The following HERC1 variants were observed in gnomAD, a reference collection of about 807,000 sequenced individuals.
HERC1 encodes probable E3 ubiquitin-protein ligase HERC1.
A neutral mutation model predicts 554.3 loss-of-function variants in HERC1; 160 were observed. The ratio of observed to expected loss-of-function variants is 0.29; its 90% confidence interval spans 0.25 to 0.33. HERC1 has a LOEUF of 0.33. Ranked by LOEUF, HERC1 falls within the 10% of genes least tolerant of loss-of-function variation. The pLI is 1.00. For synonymous variants in HERC1, 2,175 were observed against 2,131.7 expected, an observed-to-expected ratio of 1.02 and a Z score of -0.56; for missense variants, 4,919 against 5,918.5, an observed-to-expected ratio of 0.83 and a Z score of 5.54.
At chr15:63,774,555 C>T (rs1167416358) in intron 2 of HERC1, 139 bp downstream of exon 2, 27 of 680,196 alleles carry the variant, frequency 4.0e-5, no homozygotes, top group Non-Finnish European at 2.5e-5. Context: ...TTCTTCACTC[C>T]AAGTATATGA....
At chr15:63,689,081 C>G (rs2071952420) in intron 33 of HERC1, among the ~76,000 whole-genome samples, 1 of 151,696 alleles carries the variant, frequency 6.6e-6, no homozygotes, top group African/African-American at 2.4e-5. Context: ...AAAGTGGCAC[C>G]AAAAAAGAGT....
chr15:63,697,162 C>T (rs1206157935), intron 26 of HERC1, among the ~76,000 whole-genome samples: 1 of 152,006 alleles, frequency 6.6e-6, no homozygotes, highest in Non-Finnish European at 1.5e-5. Context: ...TTTAGTTTTC[C>T]ATAATGTTCA....
intron 12 of HERC1, among the ~76,000 whole-genome samples, chr15:63,741,910 G>C (rs757562043): frequency 2.6e-5 from 4 of 152,056 alleles, no homozygotes; most frequent in Non-Finnish European, 2.9e-5. Context: ...TTTTGAAGTT[G>C]GAAAGTGTGA....
At position 63,645,464 on chromosome 15, in the gene HERC1, A is replaced by T; in HGVS notation, c.11078+19T>A. ...CCAATATAAAAACTAAGACGTATAGATGCAAATTGACAACATACGTAGCCA... is the reference window on the plus strand; with the variant it reads ...CCAATATAAAAACTAAGACGTATAGTTGCAAATTGACAACATACGTAGCCA... On this transcript the variant is annotated intron_variant, in intron 56 of 77. Transcript: ENST00000443617. 6.3e-7 allele frequency: 1 copy of T among 1,584,718 alleles called. No homozygotes were observed. Among genetic ancestry groups the T allele is most frequent in the Non-Finnish European group, 8.6e-7 (1 of 1,163,014 alleles).
rs1411968698 is a variant in HERC1, at chr15:63,754,773, A to G, written c.1631-125T>C. 3.2e-6 allele frequency: 3 copies of G among 939,708 alleles called. No homozygotes were observed. The African/African-American group carries it at 4.9e-5, about 15-fold the overall frequency. 58.2% of individuals were successfully genotyped at this position (939,708 alleles called of 1,614,324 possible). ...ATTGAGATTTTTTTAATGCAATGCA[A>G]TATGAAAAACACAATCATTTCTAAC... On this transcript the variant is annotated intron_variant, in intron 6 of 77. Coordinates refer to ENST00000443617, the MANE Select transcript of HERC1 (RefSeq NM_003922.4).
In HERC1 at chr15:63,700,240, T is replaced by C. The variant is rs181330669; in HGVS notation, c.4637-1244A>G. ...TTCAATATAATATTGCTAATATTCA[T>C]CCACATTACTAAGTGTAACCATGGT... On this transcript the variant is annotated intron_variant, in intron 25 of 77. Coordinates refer to ENST00000443617, the MANE Select transcript of HERC1 (RefSeq NM_003922.4). Among the ~76,000 whole-genome samples, 564 of 152,298 alleles carry C rather than the reference T, an allele frequency of 3.7e-3. 1 individual carries two copies. Among genetic ancestry groups the C allele is most frequent in the Non-Finnish European group, 5.4e-3 (370 of 68,000 alleles).
rs374898558 is a variant in HERC1 at position 63,692,609 on chromosome 15, A to G, written c.5675-43T>C. Reference sequence around the variant, plus strand: ...GTTTACGTTACAACCAAGAGCCAACAAGAAATAGTCTTATATCACATAATT... The same window carrying G: ...GTTTACGTTACAACCAAGAGCCAACGAGAAATAGTCTTATATCACATAATT... On this transcript the variant is annotated intron_variant, in intron 30 of 77. Coordinates refer to ENST00000443617, the MANE Select transcript of HERC1 (RefSeq NM_003922.4). This position sits in a 1 kb window ranked among gnomAD's most constrained non-coding sequence, Gnocchi z 4.7. The G allele has an allele frequency of 9.6e-5, 146 of 1,520,078 alleles. 1 individual carries two copies. Among genetic ancestry groups the G allele is most frequent in the Non-Finnish European group, 1.2e-4 (138 of 1,129,726 alleles). The allele number at this position is 1,520,078 out of a possible 1,614,324, so 94.2% of individuals were successfully genotyped here. A position where few individuals can be genotyped will look rare whatever the true frequency, so the allele number is the denominator to read the frequency against.
chr15:63,746,530 C>T (rs1047810042), intron 12 of HERC1, among the ~76,000 whole-genome samples: 1 of 152,166 alleles, frequency 6.6e-6, no homozygotes, highest in Non-Finnish European at 1.5e-5. Context: ...GCTCTGGTTA[C>T]AGTTCTAGTA....
chr15:63,609,617 C>T (rs777069366), intron 77 of HERC1, among the ~76,000 whole-genome samples: 75 of 152,210 alleles, frequency 4.9e-4, no homozygotes, highest in Admixed American at 8.5e-4. Flanking sequence ...TACCCATCCA[C>T]CAAGAGGGTG....
chr15:63,637,584 A>G lies in HERC1; in HGVS notation c.12153T>C (p.Cys4051=). Residue 4051 remains cysteine (C), a synonymous_variant, in exon 64 of 78, where the codon TGT becomes TGC. Transcript: ENST00000443617. Reference sequence around the variant, plus strand: ...CTAATCTGCCATAACTTCCTTCCCCACAAGCCAACACTGTGCCATTGGCCT... The same window carrying G: ...CTAATCTGCCATAACTTCCTTCCCCGCAAGCCAACACTGTGCCATTGGCCT... ...VIQANGTVLA[C]GEGSYGRLGQ... is the part of the protein sequence containing the mutation. 6.4e-7 allele frequency: 1 copy of G among 1,555,644 alleles called. No homozygotes were observed. Among genetic ancestry groups the G allele is most frequent in the South Asian group, 1.2e-5 (1 of 84,340 alleles).
chr15:63,644,761 CAGTA>C (rs2152855911), intron 57 of HERC1, among the ~76,000 whole-genome samples: 1 of 152,320 alleles, frequency 6.6e-6, no homozygotes, highest in East Asian at 1.9e-4. Flanking sequence ...TCCACTATCA[CAGTA>C]ACAGTCACCA....
In HERC1 at chr15:63,694,764, G is replaced by A. The variant is rs771569815; in HGVS notation, c.5242+10C>T. The A allele has an allele frequency of 6.8e-6, 11 of 1,613,796 alleles. No individual in the cohort carries two copies. Among genetic ancestry groups the A allele is most frequent in the Middle Eastern group, 1.6e-4 (1 of 6,062 alleles). The stretch of plus-strand genomic sequence containing the variant: ...CCTGCACTGTACATTTGCAGGAACC[G>A]TTTACTTACCAATGTGATGCTTGTT... On this transcript the variant is annotated intron_variant, in intron 28 of 77. Coordinates refer to ENST00000443617, the MANE Select transcript of HERC1 (RefSeq NM_003922.4). This position sits in a 1 kb window ranked among gnomAD's most constrained non-coding sequence, Gnocchi z 4.3.
intron 1 of HERC1, among the ~76,000 whole-genome samples, chr15:63,820,162 G>T (rs987528487): frequency 9.2e-5 from 14 of 152,248 alleles, no homozygotes; most frequent in African/African-American, 3.4e-4. Context: ...TCTTAGAACA[G>T]TGACTGCACA....
intron 25 of HERC1, 41 bp from the exon 26 acceptor site, chr15:63,699,037 G>A (rs1047688885): frequency 2.6e-6 from 4 of 1,532,752 alleles, no homozygotes; most frequent in Non-Finnish European, 3.6e-6. Flanking sequence ...TGGCAATCAA[G>A]TAGAGCATAC....
intron 54 of HERC1, among the ~76,000 whole-genome samples, chr15:63,649,224 G>C (rs1555409833): frequency 6.6e-6 from 1 of 152,102 alleles, no homozygotes; most frequent in Non-Finnish European, 1.5e-5. Context: ...GTGGTGGCGA[G>C]TGCCTGTAAT....
intron 25 of HERC1, among the ~76,000 whole-genome samples, chr15:63,701,253 T>G (rs1014357988): frequency 6.6e-6 from 1 of 152,196 alleles, no homozygotes. Flanking sequence ...CTTAATTTTA[T>G]GGGAGGTAGT....
At chr15:63,628,886 T>C in intron 69 of HERC1, 71 bp from the exon 70 acceptor site, 2 of 1,460,436 alleles carry the variant, frequency 1.4e-6, no homozygotes, top group South Asian at 1.2e-5. Context: ...ATGAAATTTT[T>C]CTTAGATGGT....
At chr15:63,616,384 T>C (rs2067819008) in intron 75 of HERC1, 46 bp downstream of exon 75, 3 of 1,584,010 alleles carry the variant, frequency 1.9e-6, no homozygotes, top group African/African-American at 1.3e-5. Flanking sequence ...AGTCTGTGCA[T>C]ATAGGACGTC....
rs2068892277 is a variant in HERC1 at position 63,638,642 on chromosome 15, A to G, written c.11967+69T>C. 3.9e-5 allele frequency: 62 copies of G among 1,583,662 alleles called. 3 individuals are homozygous for G. In the South Asian group the frequency reaches 5.9e-4, roughly 15 times the overall value. On this transcript the variant is annotated intron_variant, in intron 62 of 77. Coordinates refer to ENST00000443617, the MANE Select transcript of HERC1 (RefSeq NM_003922.4). Reference sequence around the variant, plus strand: ...CCTGTATGGGAGACACCAGGGCACAAACACACAAGCATTTAGAATCAAAAC... The same window carrying G: ...CCTGTATGGGAGACACCAGGGCACAGACACACAAGCATTTAGAATCAAAAC...
Sources: allele counts gnomAD v4.1 joint callset (sites outside exome capture counted in the v4.1 genomes callset), GRCh38; gene constraint gnomAD v4.1.1; non-coding constraint Gnocchi (gnomAD v3.1); transcripts MANE v1.5; gene names NCBI Gene and HGNC (gene_info 2026-07-23, HGNC 2026-07-21).